Variants in SPMAP2L observed in about 807,000 individuals in gnomAD.
SPMAP2L encodes sperm microtubule associated protein 2 like.
the SPMAP2L span, among the ~76,000 whole-genome samples, chr4:56,608,399 A>G: frequency 6.6e-6 from 1 of 152,210 alleles, no homozygotes. Flanking sequence ...GGCGATTAGT[A>G]TGGCTAGAAG....
the SPMAP2L span, among the ~76,000 whole-genome samples, chr4:56,605,729 T>A: frequency 6.6e-6 from 1 of 152,026 alleles, no homozygotes; most frequent in African/African-American, 2.4e-5. Flanking sequence ...AAACAGATCC[T>A]CAGCATTTCA....
chr4:56,535,730 A>G, the SPMAP2L span, among the ~76,000 whole-genome samples: 52 of 152,246 alleles, frequency 3.4e-4, no homozygotes, highest in African/African-American at 1.2e-3. Context: ...GTCTTGCACC[A>G]TCCCCGGTTC....
At chr4:56,566,770 C>T in the SPMAP2L span, among the ~76,000 whole-genome samples, 1 of 133,878 alleles carries the variant, frequency 7.5e-6, no homozygotes, top group East Asian at 2.2e-4. Flanking sequence ...AATCTCAGCT[C>T]ACTGCAACCT....
the SPMAP2L span, chr4:56,596,397 G>A: frequency 4.0e-5 from 49 of 1,231,310 alleles, no homozygotes; most frequent in Admixed American, 3.5e-5. Context: ...CTGCTGGAGT[G>A]TTGAGAAGTC....
chr4:56,597,216 T>C, the SPMAP2L span, among the ~76,000 whole-genome samples: 4 of 152,256 alleles, frequency 2.6e-5, no homozygotes, highest in East Asian at 5.8e-4. Flanking sequence ...GAAGAGTACA[T>C]GCCAAAGTAC....
chr4:56,553,389 C>T, the SPMAP2L span, among the ~76,000 whole-genome samples: 1 of 151,326 alleles, frequency 6.6e-6, no homozygotes, highest in Non-Finnish European at 1.5e-5. Context: ...ACGGGGGTTT[C>T]CCTATGTTTC....
the SPMAP2L span, chr4:56,603,557 A>G: frequency 2.2e-5 from 8 of 367,880 alleles, no homozygotes; most frequent in African/African-American, 1.6e-4. Context: ...AGAAAATGAG[A>G]GACTGCCTCA....
the SPMAP2L span, chr4:56,593,140 T>C: frequency 3.8e-6 from 6 of 1,575,256 alleles, no homozygotes; most frequent in Non-Finnish European, 5.2e-6. Context: ...TCACCCAGTA[T>C]ACTCCATACC....
the SPMAP2L span, among the ~76,000 whole-genome samples, chr4:56,592,609 G>C: frequency 6.6e-6 from 1 of 152,204 alleles, no homozygotes; most frequent in Non-Finnish European, 1.5e-5. Flanking sequence ...GAGGGGCCGA[G>C]AGCGCGGCTG....
the SPMAP2L span, among the ~76,000 whole-genome samples, chr4:56,531,704 C>T: frequency 6.6e-6 from 1 of 152,160 alleles, no homozygotes; most frequent in East Asian, 1.9e-4. Flanking sequence ...ATGCTCAGTC[C>T]TCACCACCTT....
chr4:56,545,497 A>G, the SPMAP2L span, among the ~76,000 whole-genome samples: 1 of 152,072 alleles, frequency 6.6e-6, no homozygotes, highest in African/African-American at 2.4e-5. Context: ...AGGCCAAGGT[A>G]GGAGGATTGC....
the SPMAP2L span, among the ~76,000 whole-genome samples, chr4:56,550,953 T>C: frequency 4.0e-5 from 1 of 25,054 alleles, no homozygotes. Flanking sequence ...ACTCTATCTC[T>C]AACAGAAAAA....
At chr4:56,581,324 G>T in the SPMAP2L span, among the ~76,000 whole-genome samples, 4 of 152,102 alleles carry the variant, frequency 2.6e-5, no homozygotes, top group Admixed American at 2.0e-4. Flanking sequence ...GAGTGGTGGT[G>T]TGTGCCTGTA....
the SPMAP2L span, among the ~76,000 whole-genome samples, chr4:56,618,017 C>A: frequency 6.6e-6 from 1 of 152,150 alleles, no homozygotes; most frequent in Non-Finnish European, 1.5e-5. Flanking sequence ...AACATCCAGC[C>A]GCTTGTGTCT....
chr4:56,548,923 T>A, the SPMAP2L span: 1 of 673,876 alleles, frequency 1.5e-6, no homozygotes, highest in East Asian at 3.4e-5. Flanking sequence ...CTTGGGGTTT[T>A]CAAAAAGGAC....
chr4:56,536,618 A>G, the SPMAP2L span, among the ~76,000 whole-genome samples: 3 of 152,206 alleles, frequency 2.0e-5, no homozygotes, highest in African/African-American at 7.2e-5. Flanking sequence ...CCGCTGTGTT[A>G]CCAAATCCAA....
chr4:56,596,984 C>T, the SPMAP2L span, among the ~76,000 whole-genome samples: 1 of 152,174 alleles, frequency 6.6e-6, no homozygotes, highest in Non-Finnish European at 1.5e-5. Flanking sequence ...CTATGCTAAT[C>T]AGGGGAGACA....
the SPMAP2L span, among the ~76,000 whole-genome samples, chr4:56,624,677 C>A: frequency 6.6e-6 from 1 of 152,188 alleles, no homozygotes; most frequent in East Asian, 1.9e-4. Flanking sequence ...AAGCTTCAAG[C>A]CTTGGCAGCT....
chr4:56,611,980 G>A, the SPMAP2L span, among the ~76,000 whole-genome samples: 11 of 152,150 alleles, frequency 7.2e-5, no homozygotes, highest in African/African-American at 2.7e-4. Flanking sequence ...AAATGCAAGT[G>A]TCTCCCTTGC....
Sources: gnomAD v4.1 joint callset for allele counts (sites outside exome capture counted in the v4.1 genomes callset) on GRCh38, gnomAD v4.1.1 for gene constraint, MANE v1.5 for transcripts, NCBI Gene and HGNC (gene_info 2026-07-23, HGNC 2026-07-21) for gene names.